The following ZNF362 variants were observed in gnomAD, a reference collection of about 807,000 sequenced individuals.
ZNF362 encodes zinc finger protein 362.
Under a neutral mutation model 42.9 loss-of-function variants are expected in ZNF362, and 11 were observed. The ratio of observed to expected loss-of-function variants is 0.26; its 90% confidence interval spans 0.16 to 0.42. The LOEUF is 0.42. Ranked by LOEUF, ZNF362 falls within the 20% of genes least tolerant of loss-of-function variation. ZNF362 has a pLI of 1.00. For synonymous variants in ZNF362, 255 were observed against 257.3 expected, an observed-to-expected ratio of 0.99 and a Z score of 0.09; for missense variants, 362 against 576.2, an observed-to-expected ratio of 0.63 and a Z score of 3.81.
At chr1:33,232,552 C>T in the ZNF362 span, among the ~76,000 whole-genome samples, 2 of 152,182 alleles carry the variant, frequency 1.3e-5, no homozygotes, top group African/African-American at 4.8e-5. Context: ...TGAGCCACCG[C>T]GCCCGGCCAG....
At chr1:33,136,001 G>T in the ZNF362 span, among the ~76,000 whole-genome samples, 1 of 151,746 alleles carries the variant, frequency 6.6e-6, no homozygotes, top group Non-Finnish European at 1.5e-5. Context: ...TACTTGTCTG[G>T]ACTGAGCTGG....
chr1:33,276,776 C>G (rs1327701673), intron 4 of ZNF362, among the ~76,000 whole-genome samples, 182 bp downstream of exon 4: 25 of 152,216 alleles, frequency 1.6e-4, no homozygotes, highest in Admixed American at 1.6e-3. Flanking sequence ...ACCGGACTTC[C>G]AACGACCCAG....
the ZNF362 span, among the ~76,000 whole-genome samples, chr1:33,234,666 A>G: frequency 6.6e-6 from 1 of 152,196 alleles, no homozygotes; most frequent in Non-Finnish European, 1.5e-5. Flanking sequence ...GTCTAGGACC[A>G]GCACGGCAGC....
At chr1:33,258,338 C>T (rs997639997) in intron 1 of ZNF362, among the ~76,000 whole-genome samples, 1 of 152,080 alleles carries the variant, frequency 6.6e-6, no homozygotes, top group Non-Finnish European at 1.5e-5. Context: ...CTCATGTGTC[C>T]CCTACCCCAG....
the ZNF362 span, chr1:33,181,448 A>G: frequency 6.3e-7 from 1 of 1,581,642 alleles, no homozygotes; most frequent in Non-Finnish European, 8.5e-7. This position sits in a 1 kb window ranked among gnomAD's most constrained non-coding sequence, Gnocchi z 6.5. Flanking sequence ...CAGGGGCAGC[A>G]GAGAGGGGGG....
chr1:33,157,944 A>G, the ZNF362 span, among the ~76,000 whole-genome samples: 2 of 151,956 alleles, frequency 1.3e-5, no homozygotes, highest in Non-Finnish European at 2.9e-5. Flanking sequence ...TTTAATAGAG[A>G]CAGGGTTTCA....
At chr1:33,171,080 C>T in the ZNF362 span, among the ~76,000 whole-genome samples, 3 of 152,306 alleles carry the variant, frequency 2.0e-5, no homozygotes, top group South Asian at 6.2e-4. Flanking sequence ...CTGGTCCAAC[C>T]CCTTGGATTG....
intron 6 of ZNF362, among the ~76,000 whole-genome samples, chr1:33,284,952 T>C (rs556352657): frequency 6.6e-6 from 1 of 152,308 alleles, no homozygotes; most frequent in African/African-American, 2.4e-5. Context: ...TGCATTTGTC[T>C]TTTCTAGCTC....
At chr1:33,171,807 A>C in the ZNF362 span, among the ~76,000 whole-genome samples, 1 of 152,110 alleles carries the variant, frequency 6.6e-6, no homozygotes, top group Non-Finnish European at 1.5e-5. Context: ...TTTGAGACAG[A>C]ATCTCGCTCT....
chr1:33,230,413 G>A, the ZNF362 span, among the ~76,000 whole-genome samples: 1 of 152,126 alleles, frequency 6.6e-6, no homozygotes. Flanking sequence ...AACCTAAAGA[G>A]GCTACAGTCG....
At chr1:33,185,746 A>G in the ZNF362 span, among the ~76,000 whole-genome samples, 1 of 144,344 alleles carries the variant, frequency 6.9e-6, no homozygotes, top group East Asian at 2.1e-4. Flanking sequence ...TTCCATTCAT[A>G]CTCCAGAAAT....
At chr1:33,151,188 G>A in the ZNF362 span, among the ~76,000 whole-genome samples, 201 of 152,222 alleles carry the variant, frequency 1.3e-3, 7 homozygotes, top group Admixed American at 0.011. Context: ...CTGCAGATTG[G>A]AGGAAATCCT....
the ZNF362 span, chr1:33,159,847 T>C: frequency 6.2e-7 from 1 of 1,613,514 alleles, no homozygotes; most frequent in Non-Finnish European, 8.5e-7. This position sits in a 1 kb window ranked among gnomAD's most constrained non-coding sequence, Gnocchi z 4.2. Context: ...CGTGTCCGCC[T>C]CCAGCTCCTC....
intron 6 of ZNF362, among the ~76,000 whole-genome samples, chr1:33,293,532 G>C (rs1646094871): frequency 6.6e-6 from 1 of 152,186 alleles, no homozygotes; most frequent in Non-Finnish European, 1.5e-5. Flanking sequence ...TTGTTGATGG[G>C]CTGATGGCAA....
chr1:33,280,105 C>A lies in ZNF362; in HGVS notation c.350-19C>A. Reference sequence around the variant, plus strand: ...CTGCAGCTCCGCTCACCCCTGCCCCCACCCACCTGTCTTCGCAGGTCTGGG... The same window carrying A: ...CTGCAGCTCCGCTCACCCCTGCCCCAACCCACCTGTCTTCGCAGGTCTGGG... On this transcript the variant is annotated intron_variant, in intron 4 of 8. Transcript: ENST00000539719. The surrounding 1 kb of genome is among the most constrained non-coding windows in gnomAD (Gnocchi z 5.6). 1 of 1,545,648 alleles carries A rather than the reference C, an allele frequency of 6.5e-7. No individual in the cohort carries two copies. Among genetic ancestry groups the A allele is most frequent in the Middle Eastern group, 1.7e-4 (1 of 5,718 alleles).
intron 1 of ZNF362, among the ~76,000 whole-genome samples, chr1:33,258,624 C>T (rs1337385853): frequency 6.6e-6 from 1 of 152,146 alleles, no homozygotes; most frequent in African/African-American, 2.4e-5. Flanking sequence ...GCTTCCACTG[C>T]TGGGCTCCCT....
the ZNF362 span, among the ~76,000 whole-genome samples, chr1:33,155,816 G>A: frequency 1.3e-5 from 2 of 152,058 alleles, no homozygotes; most frequent in East Asian, 3.9e-4. Context: ...TCTGCCCTTG[G>A]GGGGGATCTG....
the ZNF362 span, among the ~76,000 whole-genome samples, chr1:33,161,144 T>G: frequency 3.8e-4 from 58 of 152,330 alleles, no homozygotes; most frequent in Non-Finnish European, 7.5e-4. This position sits in a 1 kb window ranked among gnomAD's most constrained non-coding sequence, Gnocchi z 4.3. Flanking sequence ...GGGGTGTTGT[T>G]GTGCGCACTC....
chr1:33,251,828 A>T (rs568352498), upstream of ZNF362, among the ~76,000 whole-genome samples: 2 of 152,306 alleles, frequency 1.3e-5, no homozygotes, highest in East Asian at 3.9e-4. Context: ...CTCGTATGAG[A>T]CCTAATTAAA....
Sources: allele counts gnomAD v4.1 joint callset (sites outside exome capture counted in the v4.1 genomes callset), GRCh38; gene constraint gnomAD v4.1.1; non-coding constraint Gnocchi (gnomAD v3.1); transcripts MANE v1.5; gene names NCBI Gene and HGNC (gene_info 2026-07-23, HGNC 2026-07-21).